LYPD6B: variants seen among roughly 807,000 people sequenced by gnomAD.
The protein encoded by LYPD6B is LY6/PLAUR domain containing 6B, also known as ly6/PLAUR domain-containing protein 6B.
A neutral mutation model predicts 22.8 loss-of-function variants in LYPD6B; 17 were observed. That is an observed-to-expected ratio of 0.75 (90% CI 0.51 to 1.12). The LOEUF (loss-of-function observed/expected upper bound fraction) is 1.12. Ranked by LOEUF, LYPD6B falls within the 50% of genes most tolerant of loss-of-function variation. The pLI is 0.00. For synonymous variants in LYPD6B, 106 were observed against 91.6 expected, an observed-to-expected ratio of 1.16 and a Z score of -0.90; for missense variants, 221 against 258.3, an observed-to-expected ratio of 0.86 and a Z score of 0.99.
chr2:149,055,692 A>G (rs1683758993), intron 1 of LYPD6B, among the ~76,000 whole-genome samples: 1 of 152,192 alleles, frequency 6.6e-6, no homozygotes, highest in Admixed American at 6.5e-5. Flanking sequence ...AGTGCATAGG[A>G]ATACAGTTAA....
chr2:149,201,086 A>C (rs1693120042), intron 3 of LYPD6B, among the ~76,000 whole-genome samples: 1 of 152,218 alleles, frequency 6.6e-6, no homozygotes, highest in African/African-American at 2.4e-5. Flanking sequence ...TTAGTGTCAA[A>C]ATATGAAAAT....
intron 1 of LYPD6B, among the ~76,000 whole-genome samples, chr2:149,116,840 G>A (rs968234849): frequency 6.6e-6 from 1 of 152,190 alleles, no homozygotes; most frequent in African/African-American, 2.4e-5. Context: ...CCTTGACCTT[G>A]TAAACAGGGT....
At chr2:149,040,446 G>C (rs1030062238) in intron 1 of LYPD6B, among the ~76,000 whole-genome samples, 2 of 152,028 alleles carry the variant, frequency 1.3e-5, no homozygotes, top group Admixed American at 6.6e-5. Flanking sequence ...GGCTGGTCTC[G>C]AACTCCTAAC....
intron 1 of LYPD6B, among the ~76,000 whole-genome samples, chr2:149,068,306 G>T (rs1446394508): frequency 6.6e-6 from 1 of 152,036 alleles, no homozygotes; most frequent in African/African-American, 2.4e-5. Flanking sequence ...TTATGTCCAC[G>T]AGTTAGACTC....
intron 2 of LYPD6B, among the ~76,000 whole-genome samples, chr2:149,135,966 C>T (rs1688344743): frequency 2.0e-5 from 3 of 152,022 alleles, no homozygotes; most frequent in Admixed American, 2.0e-4. Flanking sequence ...CCCATGAATG[C>T]CTAATCATAG....
At chr2:149,144,292 G>A (rs921466467) in intron 2 of LYPD6B, among the ~76,000 whole-genome samples, 1 of 136,778 alleles carries the variant, frequency 7.3e-6, no homozygotes, top group Non-Finnish European at 1.6e-5. Context: ...ACAAGAATGG[G>A]GGTGGGGTCT....
chr2:149,144,644 A>T (rs890070156), intron 2 of LYPD6B, among the ~76,000 whole-genome samples: 4 of 152,118 alleles, frequency 2.6e-5, no homozygotes, highest in African/African-American at 9.7e-5. Flanking sequence ...CGCCCACCTC[A>T]GCCTCCCAAA....
chr2:149,211,253 G>A (rs576575882), intron 5 of LYPD6B, among the ~76,000 whole-genome samples: 19 of 152,260 alleles, frequency 1.2e-4, no homozygotes, highest in African/African-American at 4.3e-4. Context: ...CTCACAGTTT[G>A]ATATGAGATT....
At chr2:149,141,102 A>T (rs1375841311) in intron 2 of LYPD6B, among the ~76,000 whole-genome samples, 1 of 152,220 alleles carries the variant, frequency 6.6e-6, no homozygotes, top group Non-Finnish European at 1.5e-5. Context: ...TGATGAAAAA[A>T]GCACTAAAAC....
chr2:149,102,705 C>T (rs1558998690), intron 1 of LYPD6B, among the ~76,000 whole-genome samples: 3 of 152,186 alleles, frequency 2.0e-5, no homozygotes, highest in African/African-American at 7.2e-5. Context: ...TCTCAGCTCA[C>T]TGCAACCTCC....
At chr2:149,056,609 T>C in intron 1 of LYPD6B, among the ~76,000 whole-genome samples, 1 of 152,218 alleles carries the variant, frequency 6.6e-6, no homozygotes, top group East Asian at 1.9e-4. Flanking sequence ...TCAGTAACTC[T>C]TATTTCTCTG....
chr2:149,127,582 T>C (rs1258050859), intron 1 of LYPD6B, among the ~76,000 whole-genome samples: 3 of 152,180 alleles, frequency 2.0e-5, no homozygotes, highest in African/African-American at 7.2e-5. Flanking sequence ...TTTCCTTCCT[T>C]TCCTCCCCTC....
chr2:149,051,517 G>C (rs922290426), intron 1 of LYPD6B, among the ~76,000 whole-genome samples: 1 of 152,080 alleles, frequency 6.6e-6, no homozygotes, highest in Non-Finnish European at 1.5e-5. Flanking sequence ...TATATCTGTT[G>C]CTATACTTTC....
Position 149,087,562 on chromosome 2 carries a change from T to TA in LYPD6B, c.-66-43310dup, listed in dbSNP as rs59650795. The stretch of plus-strand genomic sequence containing the variant: ...GCCTGGGCAACAGAGTGTGACTGTC[T>TA]AAAAAAAAAAATTATTCTTCTCCAA... On this transcript the variant is annotated intron_variant, in intron 1 of 6. Transcript: ENST00000409642. Among the ~76,000 whole-genome samples, 692 of 148,900 alleles carry TA rather than the reference T, an allele frequency of 4.6e-3. 7 individuals are homozygous for TA. The highest frequency in any genetic ancestry group is 0.016 in the African/African-American group (656 of 40,664).
intron 2 of LYPD6B, among the ~76,000 whole-genome samples, chr2:149,135,427 T>C (rs114585983): frequency 1.2e-3 from 177 of 151,932 alleles, no homozygotes; most frequent in African/African-American, 4.1e-3. Flanking sequence ...AATAAAGAAA[T>C]GTGTATTTTT....
intron 3 of LYPD6B, 150 bp downstream of exon 3, chr2:149,160,985 G>A: frequency 1.5e-6 from 1 of 648,762 alleles, no homozygotes. Context: ...AGCCCTCACT[G>A]CTCACTGTGA....
chr2:149,097,608 T>G (rs564920975), intron 1 of LYPD6B, among the ~76,000 whole-genome samples: 1 of 152,362 alleles, frequency 6.6e-6, no homozygotes, highest in South Asian at 2.1e-4. Context: ...GTGCCATCCC[T>G]AGCCTGTAAC....
Position 149,050,911 on chromosome 2 carries a change from G to A in LYPD6B, c.-67+12110G>A, listed in dbSNP as rs1055082691. On this transcript the variant is annotated intron_variant, in intron 1 of 6. Coordinates refer to ENST00000409642, the MANE Select transcript of LYPD6B (RefSeq NM_177964.5). ...ATAACTTTTTTCTTATTACAAAGAT[G>A]ATATATATTCATTATAAAAGATGTA... 2.0e-4 allele frequency among the ~76,000 whole-genome samples: 30 copies of A among 152,098 alleles called. No homozygotes were observed. The South Asian group carries it at 2.7e-3, about 14-fold the overall frequency.
At chr2:149,170,717 A>C (rs1690759316) in intron 3 of LYPD6B, among the ~76,000 whole-genome samples, 1 of 152,236 alleles carries the variant, frequency 6.6e-6, no homozygotes. Flanking sequence ...TCAAGGCAGA[A>C]TGCTGAATGT....
Sources: gnomAD v4.1 joint callset for allele counts (sites outside exome capture counted in the v4.1 genomes callset) on GRCh38, gnomAD v4.1.1 for gene constraint, MANE v1.5 for transcripts, NCBI Gene and HGNC (gene_info 2026-07-23, HGNC 2026-07-21) for gene names.